Variants in CYB5R4 observed in about 807,000 individuals in gnomAD.
CYB5R4 encodes the protein N-terminal cytochrome b5 and cytochrome b5 oxidoreductase domain-containing protein.
CYB5R4 carries 55 observed loss-of-function variants against 70.2 expected under a neutral mutation model. That is an observed-to-expected ratio of 0.78 (90% confidence interval 0.63 to 0.98). CYB5R4 has a LOEUF of 0.98. CYB5R4 is among the 50% of genes least tolerant of loss of function. CYB5R4 has a pLI of 0.00. For missense variants in CYB5R4, 562 were observed against 612.6 expected, an observed-to-expected ratio of 0.92 and a Z score of 0.87; for synonymous variants, 197 against 199.5, an observed-to-expected ratio of 0.99 and a Z score of 0.11.
intron 3 of CYB5R4, among the ~76,000 whole-genome samples, chr6:83,897,135 C>A (rs2099462040): frequency 6.6e-6 from 1 of 151,394 alleles, no homozygotes; most frequent in Admixed American, 6.6e-5. Flanking sequence ...TGTTCAATTC[C>A]CACCTATGAG....
intron 10 of CYB5R4, among the ~76,000 whole-genome samples, chr6:83,931,575 T>A (rs911498691): frequency 6.6e-6 from 1 of 152,166 alleles, no homozygotes; most frequent in African/African-American, 2.4e-5. Context: ...ACCCTGAGTA[T>A]CTCAATATTA....
At chr6:83,877,793 T>G (rs1468725919) in intron 2 of CYB5R4, among the ~76,000 whole-genome samples, 1 of 152,244 alleles carries the variant, frequency 6.6e-6, no homozygotes, top group Non-Finnish European at 1.5e-5. Flanking sequence ...TTTCTCTGAC[T>G]GCCTTTAAGA....
chr6:83,900,217 G>A (rs770083336), intron 3 of CYB5R4, among the ~76,000 whole-genome samples: 2 of 152,034 alleles, frequency 1.3e-5, no homozygotes, highest in East Asian at 1.9e-4. Flanking sequence ...CCTTCGTTTC[G>A]TTTTGTACCC....
intron 10 of CYB5R4, among the ~76,000 whole-genome samples, chr6:83,930,253 A>G (rs1311890043): frequency 6.6e-6 from 1 of 152,124 alleles, no homozygotes; most frequent in Non-Finnish European, 1.5e-5. Context: ...TTAAGAAAAA[A>G]TGAAGTTTGC....
intron 9 of CYB5R4, among the ~76,000 whole-genome samples, chr6:83,923,448 C>T (rs149733454): frequency 6.6e-6 from 1 of 152,200 alleles, no homozygotes; most frequent in Non-Finnish European, 1.5e-5. Context: ...ATTCATTTGA[C>T]TCATCTATCT....
intron 14 of CYB5R4, among the ~76,000 whole-genome samples, chr6:83,947,548 A>G (rs1394788305): frequency 6.6e-6 from 1 of 152,222 alleles, no homozygotes; most frequent in African/African-American, 2.4e-5. Flanking sequence ...AAAATTGACA[A>G]ATGGGCTCTA....
chr6:83,891,371 G>C (rs771732335), intron 2 of CYB5R4, among the ~76,000 whole-genome samples: 2 of 152,146 alleles, frequency 1.3e-5, no homozygotes, highest in Non-Finnish European at 2.9e-5. Context: ...AATAAAGCAC[G>C]AAGAAAAAGC....
At position 83,909,034 on chromosome 6, in the gene CYB5R4, C is replaced by T; in HGVS notation, c.356C>T (p.Ser119Phe). The change falls in exon 4 of 16, where the codon TCC (serine) becomes TTC (phenylalanine). Residue 119 changes from serine to phenylalanine, a missense_variant. Transcript: ENST00000369681. ...GTTCATCGTTGGGTCAATTATGAAT[C>T]CATGCTGAAAGAATGCCTGGTTGGC... ...DQVHRWVNYE[S>F]MLKECLVGRM... 1 of 1,613,874 alleles carries T rather than the reference C, an allele frequency of 6.2e-7. No individual in the cohort carries two copies. Among genetic ancestry groups the T allele is most frequent in the African/African-American group, 1.3e-5 (1 of 75,042 alleles).
chr6:83,940,004 T>G, intron 12 of CYB5R4, 52 bp from the exon 13 acceptor site: 1 of 1,388,998 alleles, frequency 7.2e-7, no homozygotes, highest in Non-Finnish European at 9.8e-7. Context: ...GGGTTTTTTG[T>G]TTTGTTTTTT....
At chr6:83,896,232 A>G (rs1368748879) in intron 3 of CYB5R4, among the ~76,000 whole-genome samples, 1 of 152,096 alleles carries the variant, frequency 6.6e-6, no homozygotes, top group African/African-American at 2.4e-5. Flanking sequence ...TACTGTCTTG[A>G]TATCTTTACC....
chr6:83,929,509 A>G (rs1323460023), intron 10 of CYB5R4: 2 of 152,202 alleles, frequency 1.3e-5, no homozygotes, highest in African/African-American at 4.8e-5. Flanking sequence ...CAAATGTAGT[A>G]GGTCAGTATT....
intron 13 of CYB5R4, 40 bp downstream of exon 13, chr6:83,940,246 T>C: frequency 6.4e-7 from 1 of 1,555,558 alleles, no homozygotes; most frequent in Non-Finnish European, 8.7e-7. Context: ...TTTTTGAGGC[T>C]GTTATATTAG....
chr6:83,889,951 C>T (rs1023597563), intron 2 of CYB5R4, among the ~76,000 whole-genome samples: 1 of 152,110 alleles, frequency 6.6e-6, no homozygotes, highest in African/African-American at 2.4e-5. Flanking sequence ...GAGATCTGCC[C>T]CCATGATCCA....
intron 2 of CYB5R4, among the ~76,000 whole-genome samples, chr6:83,874,397 T>C: frequency 6.6e-6 from 1 of 151,798 alleles, no homozygotes; most frequent in African/African-American, 2.4e-5. Flanking sequence ...GAGCCGGGCC[T>C]CACTGTGTGG....
chr6:83,872,913 A>G (rs1367308631), intron 2 of CYB5R4, among the ~76,000 whole-genome samples: 1 of 152,198 alleles, frequency 6.6e-6, no homozygotes, highest in East Asian at 1.9e-4. Context: ...TGTTGCTAGA[A>G]GGGATTGGAT....
intron 2 of CYB5R4, among the ~76,000 whole-genome samples, chr6:83,887,652 C>T (rs575981010): frequency 2.6e-5 from 4 of 152,092 alleles, no homozygotes; most frequent in Admixed American, 6.6e-5. Context: ...CTAATACAAC[C>T]GTTGTATTTT....
chr6:83,966,753 A>C lies in CYB5R4; in HGVS notation c.*6875A>C, dbSNP rs1404763270. On this transcript the variant is annotated 3_prime_UTR_variant, in exon 16 of 16. Coordinates refer to ENST00000369681, the MANE Select transcript of CYB5R4 (RefSeq NM_016230.4). ...TGGTAAATAGTGAAGATAGGCAAAGAATATCCAACATATGAATAATAGTAG... is the reference window on the plus strand; with the variant it reads ...TGGTAAATAGTGAAGATAGGCAAAGCATATCCAACATATGAATAATAGTAG... 2.0e-5 allele frequency: 3 copies of C among 152,172 alleles called. No individual in the cohort carries two copies. Among genetic ancestry groups the C allele is most frequent in the Admixed American group, 6.6e-5 (1 of 15,266 alleles). The allele number at this position is 152,172 out of a possible 1,614,324, so 9.4% of individuals were successfully genotyped here.
chr6:83,904,882 G>T (rs556065929), intron 3 of CYB5R4, among the ~76,000 whole-genome samples: 107 of 152,048 alleles, frequency 7.0e-4, no homozygotes, highest in Non-Finnish European at 1.2e-3. Flanking sequence ...CTTTTTCTAG[G>T]ATTTCATAAA....
At chr6:83,904,967 A>C (rs890520106) in intron 3 of CYB5R4, among the ~76,000 whole-genome samples, 1 of 149,460 alleles carries the variant, frequency 6.7e-6, no homozygotes, top group East Asian at 1.9e-4. Flanking sequence ...TTGCTTTTTC[A>C]TGTTTCCTGT....
Sources: allele counts gnomAD v4.1 joint callset (sites outside exome capture counted in the v4.1 genomes callset), GRCh38; gene constraint gnomAD v4.1.1; transcripts MANE v1.5; gene names NCBI Gene and HGNC (gene_info 2026-07-23, HGNC 2026-07-21).